The following PITPNM1 variants were observed in gnomAD, a reference collection of about 807,000 sequenced individuals.
PITPNM1 encodes the protein membrane-associated phosphatidylinositol transfer protein 1.
Under a neutral mutation model 133.3 loss-of-function variants are expected in PITPNM1, and 74 were observed. The observed-to-expected ratio is 0.56, with a 90% CI of 0.46 to 0.67. PITPNM1 has a LOEUF of 0.67. Ranked by LOEUF, PITPNM1 falls within the 30% of genes least tolerant of loss-of-function variation. The probability of loss-of-function intolerance (pLI) is 0.00; values close to 1 mark genes in which losing one functional copy is unlikely to be tolerated. For synonymous variants in PITPNM1, 738 were observed against 741.4 expected, an observed-to-expected ratio of 1.00 and a Z score of 0.08; for missense variants, 1,398 against 1,739.5, an observed-to-expected ratio of 0.80 and a Z score of 3.49.
intron 2 of PITPNM1, among the ~76,000 whole-genome samples, chr11:67,503,500 G>C (rs1192371881): frequency 1.3e-5 from 2 of 152,180 alleles, no homozygotes; most frequent in Non-Finnish European, 2.9e-5. Flanking sequence ...CTATTGCTCC[G>C]GGGCTCAGAT....
At chr11:67,501,474 A>G (rs1866319401) in intron 5 of PITPNM1, among the ~76,000 whole-genome samples, 1 of 152,164 alleles carries the variant, frequency 6.6e-6, no homozygotes, top group African/African-American at 2.4e-5. Flanking sequence ...CTGGGAGTGG[A>G]GGTGGGGAAT....
In PITPNM1 at chr11:67,498,403, G is replaced by GA. The variant is rs1866203161; in HGVS notation, c.1485-82_1485-81insT. ...CCAAGTCCCCTGGGCCTGCTGGCAG[G>GA]CCCTGGCTCTGTGGGTCCTCTGTGG... On this transcript the variant is annotated intron_variant, in intron 10 of 23. Coordinates refer to ENST00000356404, the MANE Select transcript of PITPNM1 (RefSeq NM_004910.3). This position sits in a 1 kb window ranked among gnomAD's most constrained non-coding sequence, Gnocchi z 5.7. 2.1e-6 allele frequency: 3 copies of GA among 1,421,494 alleles called. No homozygotes were observed. In the East Asian group the frequency reaches 7.2e-5, roughly 34 times the overall value. 88.1% of individuals were successfully genotyped at this position (1,421,494 alleles called of 1,614,324 possible).
chr11:67,494,823 G>T (rs28502822), intron 18 of PITPNM1, 23 bp downstream of exon 18: 7 of 769,640 alleles, frequency 9.1e-6, no homozygotes, highest in African/African-American at 3.6e-5. Flanking sequence ...AGTGGGCGAG[G>T]GGGCGAGGGG....
In PITPNM1 at chr11:67,494,295, G is replaced by T; in HGVS notation, c.2808C>A (p.Ser936Arg). 6.2e-7 allele frequency: 1 copy of T among 1,612,404 alleles called. No individual in the cohort carries two copies. Among genetic ancestry groups the T allele is most frequent in the Non-Finnish European group, 8.5e-7 (1 of 1,179,776 alleles). The change falls in exon 19 of 24, where the codon AGC (serine) becomes AGA (arginine). Residue 936 changes from serine (S) to arginine (R), a missense_variant. By Grantham distance (110) the Ser-to-Arg change is moderately radical. Around this residue, in one of 5 missense-constraint regions of PITPNM1, gnomAD observed 233 missense variants for 378.0 expected, o/e 0.62. Coordinates refer to ENST00000356404, the MANE Select transcript of PITPNM1 (RefSeq NM_004910.3). Reference protein sequence around the residue: ...VVCEGRPQVLSGRFMYGPLDV... With the variant: ...VVCEGRPQVLRGRFMYGPLDV... ...CCAGGGGCCCGTACATGAAGCGCCC[G>T]CTTAGCACCTGGGGGCGGCCCTCGC...
chr11:67,499,653 A>C (rs924628284), intron 8 of PITPNM1, 70 bp downstream of exon 8: 3 of 562,556 alleles, frequency 5.3e-6, no homozygotes, highest in Non-Finnish European at 8.2e-6. Flanking sequence ...CTCTCATCTT[A>C]AGATGCCATT....
At chr11:67,497,716 G>C in intron 12 of PITPNM1, 37 bp from the exon 13 acceptor site, 1 of 1,600,808 alleles carries the variant, frequency 6.2e-7, no homozygotes, top group Non-Finnish European at 8.5e-7. Context: ...TCTTAGGCCT[G>C]GGGACCATTC....
chr11:67,503,911 G>A, intron 2 of PITPNM1, 192 bp downstream of exon 2: 1 of 521,018 alleles, frequency 1.9e-6, no homozygotes, highest in Non-Finnish European at 3.4e-6. Context: ...AGGAGGGCTG[G>A]GCACTTAGCG....
chr11:67,495,966 G>C (rs1866104583), intron 15 of PITPNM1, among the ~76,000 whole-genome samples: 1 of 152,210 alleles, frequency 6.6e-6, no homozygotes, highest in Non-Finnish European at 1.5e-5. Context: ...ACCCTCTCTA[G>C]CTTGGCTAAC....
In PITPNM1 at chr11:67,492,291, C is replaced by T; in HGVS notation, c.3477G>A (p.Leu1159=). 1 of 1,568,256 alleles carries T rather than the reference C, an allele frequency of 6.4e-7. No individual in the cohort carries two copies. The highest frequency in any genetic ancestry group is 8.7e-7 in the Non-Finnish European group (1 of 1,155,336). Residue 1159 remains leucine, a synonymous_variant, in exon 24 of 24, where the codon CTG becomes CTA. Transcript: ENST00000356404. ...CCAGGTGGGCCACATAGCCGTCTGA[C>T]AGGAACTGTGGGCAGAGGTAGGCAG... The part of the protein sequence containing the change: ...VRKLQAQCQF[L]SDGYVAHLGQ...
At chr11:67,496,983 T>C (rs1307791549) in intron 14 of PITPNM1, 3 of 388,424 alleles carry the variant, frequency 7.7e-6, no homozygotes, top group African/African-American at 4.2e-5. Flanking sequence ...TTTGCTGCTG[T>C]GGTGTCTGAT....
chr11:67,497,442 G>T lies in PITPNM1; in HGVS notation c.1941-6C>A, dbSNP rs757343212. 30 of 1,590,578 alleles carry T rather than the reference G, an allele frequency of 1.9e-5. No individual in the cohort carries two copies. Among genetic ancestry groups the T allele is most frequent in the Non-Finnish European group, 2.4e-5 (28 of 1,166,502 alleles). ...TTGCGGGGGCTGCCTGAAGGCTGTG[G>T]GGGAGGAGGGGTGCTCAGTGCTGCT... On this transcript the variant is annotated splice_region_variant and splice_polypyrimidine_tract_variant and intron_variant, in intron 13 of 23. Transcript: ENST00000356404.
chr11:67,493,762 G>A lies in PITPNM1; in HGVS notation c.3084C>T (p.Asp1028=), dbSNP rs370108604. 4.5e-5 allele frequency: 69 copies of A among 1,549,220 alleles called. No individual in the cohort carries two copies. The African/African-American group carries it at 8.2e-4, about 18-fold the overall frequency. ...TGGAGACGCTGGCGGTGAAGGAGCC[G>A]TCGATGCTGAAGACCACAGCCTCCG... ...RGTEAVVFSI[D]GSFTASVSIM... Residue 1028 remains aspartate, a synonymous_variant, in exon 21 of 24, where the codon GAC becomes GAT. Coordinates refer to ENST00000356404, the MANE Select transcript of PITPNM1 (RefSeq NM_004910.3).
Position 67,492,345 on chromosome 11 carries a change from C to G in PITPNM1, c.3472-49G>C, listed in dbSNP as rs375611816. On this transcript the variant is annotated intron_variant, in intron 23 of 23. Transcript: ENST00000356404. ...TGAGGGGGTGCTGGCCAAGGGCCCA[C>G]ACGCTGCCCTCCACGGTCCTCCAGA... 2.0e-6 allele frequency: 3 copies of G among 1,495,010 alleles called. No individual in the cohort carries two copies. In the East Asian group the frequency reaches 7.1e-5, roughly 35 times the overall value. 92.6% of individuals were successfully genotyped at this position (1,495,010 alleles called of 1,614,324 possible).
At position 67,498,179 on chromosome 11, in the gene PITPNM1, T is replaced by A; in HGVS notation, c.1628A>T (p.Tyr543Phe). The part of the protein sequence containing the change: ...ATVIARTNQA[Y>F]SAFLRSPEGA... ...CTCAGGTGAGCGCAGGAAGGCTGAG[T>A]AGGCCTGGTTGGTGCGGGCAATGAC... The change falls in exon 11 of 24, where the codon TAC becomes TTC. Residue 543 changes from tyrosine (Y) to phenylalanine (F), a missense_variant. Coordinates refer to ENST00000356404, the MANE Select transcript of PITPNM1 (RefSeq NM_004910.3). The surrounding 1 kb of genome is among the most constrained non-coding windows in gnomAD (Gnocchi z 5.7). The A allele has an allele frequency of 6.2e-7, 1 of 1,613,126 alleles. No individual in the cohort carries two copies.
In PITPNM1 at chr11:67,496,182, C is replaced by A. The variant is rs767999723; in HGVS notation, c.2313G>T (p.Leu771=). The change falls in exon 15 of 24, where the codon CTG becomes CTT. Residue 771 remains leucine, a synonymous_variant. Transcript: ENST00000356404. ...TTATCTTGTTTGGGGGCGTACCCAG[C>A]AGCAGGGATGAGCCATCTCCCAGGG... ...KFPLGDGSSL[L]LADTLQTHSS... is the part of the protein sequence containing the mutation. 2 of 1,529,396 alleles carry A rather than the reference C, an allele frequency of 1.3e-6. No homozygotes were observed. Among genetic ancestry groups the A allele is most frequent in the Non-Finnish European group, 1.7e-6 (2 of 1,143,878 alleles). 94.7% of individuals were successfully genotyped at this position (1,529,396 alleles called of 1,614,324 possible).
chr11:67,495,188 G>C lies in PITPNM1; in HGVS notation c.2520C>G (p.Tyr840Ter). 3 of 1,608,850 alleles carry C rather than the reference G, an allele frequency of 1.9e-6. No homozygotes were observed. Among genetic ancestry groups the C allele is most frequent in the Non-Finnish European group, 2.5e-6 (3 of 1,177,890 alleles). ...ERWWGTKRID[Y>*]SLYCPEALTA... is the part of the protein sequence containing the mutation. ...TGAGCGCCTCGGGGCAGTACAGCGA[G>C]TAGTCGATCCGCTTGGTCCCCCACC... The change falls in exon 17 of 24, where the codon TAC (tyrosine) becomes TAG (stop). Residue 840 changes from tyrosine (Y) to a stop codon, truncating the protein, a stop_gained. Coordinates refer to ENST00000356404, the MANE Select transcript of PITPNM1 (RefSeq NM_004910.3). LOFTEE classifies it high-confidence loss of function.
At chr11:67,497,826 G>T in intron 12 of PITPNM1, 91 bp downstream of exon 12, 1 of 1,470,418 alleles carries the variant, frequency 6.8e-7, no homozygotes, top group South Asian at 1.2e-5. Flanking sequence ...GGGCCTGCCT[G>T]CTGGCAGAGG....
chr11:67,494,526 C>T (rs1021747811), intron 18 of PITPNM1, among the ~76,000 whole-genome samples, 166 bp from the exon 19 acceptor site: 3 of 152,086 alleles, frequency 2.0e-5, no homozygotes, highest in African/African-American at 7.2e-5. Context: ...TGGACCCCGG[C>T]CTGAGAGCCT....
chr11:67,495,653 T>C, intron 15 of PITPNM1, 51 bp from the exon 16 acceptor site: 1 of 1,483,098 alleles, frequency 6.7e-7, no homozygotes, highest in Non-Finnish European at 9.0e-7. Context: ...GGCTCTCCTG[T>C]CTTCTCACCC....
Sources: gnomAD v4.1 joint callset for allele counts (sites outside exome capture counted in the v4.1 genomes callset) on GRCh38, gnomAD v4.1.1 for gene constraint, gnomAD v4.1.1 regional missense constraint, Gnocchi (gnomAD v3.1) non-coding constraint, MANE v1.5 for transcripts, NCBI Gene and HGNC (gene_info 2026-07-23, HGNC 2026-07-21) for gene names.